Variants in TSHZ2 observed in about 807,000 individuals in gnomAD.
TSHZ2 encodes teashirt homolog 2.
TSHZ2 carries 21 observed loss-of-function variants against 74.4 expected under a neutral mutation model. The ratio of observed to expected loss-of-function variants is 0.28; its 90% confidence interval spans 0.20 to 0.41. The LOEUF is 0.41. Among genes scored for constraint, TSHZ2 ranks in the 10% least tolerant of loss-of-function variants. TSHZ2 has a pLI of 1.00. For missense variants in TSHZ2, 1,244 were observed against 1,293.5 expected, an observed-to-expected ratio of 0.96 and a Z score of 0.59; for synonymous variants, 540 against 515.3, an observed-to-expected ratio of 1.05 and a Z score of -0.65.
At chr20:53,373,825 A>T (rs1981564250) in intron 2 of TSHZ2, among the ~76,000 whole-genome samples, 1 of 152,176 alleles carries the variant, frequency 6.6e-6, no homozygotes, top group South Asian at 2.1e-4. Context: ...CCTATGTAGA[A>T]TTCTTCCTAG....
intron 1 of TSHZ2, among the ~76,000 whole-genome samples, chr20:52,995,202 C>T (rs538529413): frequency 6.6e-6 from 1 of 152,284 alleles, no homozygotes; most frequent in Middle Eastern, 3.4e-3. Context: ...ATACAGAGAC[C>T]CAAGGAATGG....
At chr20:53,221,213 T>C (rs949393562) in intron 1 of TSHZ2, among the ~76,000 whole-genome samples, 4 of 131,156 alleles carry the variant, frequency 3.0e-5, no homozygotes, top group Non-Finnish European at 7.4e-5. Context: ...TCTGCCATGA[T>C]TGTGAGGCCC....
chr20:53,075,927 A>T (rs1424668652), intron 1 of TSHZ2, among the ~76,000 whole-genome samples: 1 of 152,132 alleles, frequency 6.6e-6, no homozygotes. Flanking sequence ...TTCAGTCTGG[A>T]GACTGAAACA....
At chr20:53,390,461 T>C (rs1345975917) in intron 2 of TSHZ2, among the ~76,000 whole-genome samples, 1 of 152,260 alleles carries the variant, frequency 6.6e-6, no homozygotes, top group Admixed American at 6.5e-5. Flanking sequence ...TGTCTCCATA[T>C]TTATTGTTAT....
chr20:53,210,451 C>T (rs932183368), intron 1 of TSHZ2, among the ~76,000 whole-genome samples: 2 of 151,980 alleles, frequency 1.3e-5, no homozygotes, highest in Non-Finnish European at 2.9e-5. Context: ...ATGATCTTCC[C>T]CTGGAGTTTG....
chr20:53,081,627 C>T (rs6126748), intron 1 of TSHZ2, among the ~76,000 whole-genome samples: 12,044 of 152,218 alleles, frequency 0.079, 1,132 homozygotes, highest in African/African-American at 0.23. Context: ...CCCACTTCCA[C>T]GGCTCTTTAT....
chr20:53,321,683 CAAAA>C lies in TSHZ2; in HGVS notation c.*8+65126_*8+65129del, dbSNP rs59907513. ...TGGGCAACAGGGCGAGACTCCATCT[CAAAA>C]AAAAAAAAAAAAAGAAAGACATTCC... On this transcript the variant is annotated intron_variant, in intron 2 of 2. Coordinates refer to ENST00000371497, the MANE Select transcript of TSHZ2 (RefSeq NM_173485.6). 2.4e-4 allele frequency among the ~76,000 whole-genome samples: 14 copies of C among 58,302 alleles called. 1 individual carries two copies. In the South Asian group the frequency reaches 0.012, roughly 49 times the overall value. 38.2% of individuals were successfully genotyped at this position (58,302 alleles called of 152,430 possible). A position where few individuals can be genotyped will look rare whatever the true frequency, so the allele number is the denominator to read the frequency against.
intron 1 of TSHZ2, among the ~76,000 whole-genome samples, chr20:53,118,869 G>A (rs2123344719): frequency 6.6e-6 from 1 of 152,298 alleles, no homozygotes; most frequent in Non-Finnish European, 1.5e-5. Context: ...TGTACAGGAA[G>A]CATGATGCTG....
intron 2 of TSHZ2, among the ~76,000 whole-genome samples, chr20:53,453,578 G>A (rs1984905261): frequency 6.6e-6 from 1 of 152,104 alleles, no homozygotes; most frequent in Non-Finnish European, 1.5e-5. Flanking sequence ...AAATGTCCAG[G>A]GTATCTTAAT....
intron 1 of TSHZ2, among the ~76,000 whole-genome samples, chr20:53,235,227 T>G (rs1310282379): frequency 6.6e-6 from 1 of 151,902 alleles, no homozygotes; most frequent in Non-Finnish European, 1.5e-5. Context: ...GAGTACAGTG[T>G]CATGATCTTG....
chr20:53,438,147 T>C (rs1184765316), intron 2 of TSHZ2, among the ~76,000 whole-genome samples: 2 of 150,474 alleles, frequency 1.3e-5, no homozygotes, highest in Non-Finnish European at 3.0e-5. Context: ...TCTCACTCTG[T>C]CACCCAGGCT....
chr20:53,194,058 G>A (rs1988802927), intron 1 of TSHZ2, among the ~76,000 whole-genome samples: 1 of 152,128 alleles, frequency 6.6e-6, no homozygotes, highest in African/African-American at 2.4e-5. Flanking sequence ...CTTTCCTGAT[G>A]GAAAACACAG....
At chr20:53,016,653 G>T (rs1261974955) in intron 1 of TSHZ2, among the ~76,000 whole-genome samples, 1 of 152,148 alleles carries the variant, frequency 6.6e-6, no homozygotes, top group East Asian at 1.9e-4. Context: ...AATCAAATAA[G>T]TAAGTGCAAA....
intron 1 of TSHZ2, among the ~76,000 whole-genome samples, chr20:53,043,257 T>C (rs996809924): frequency 6.6e-6 from 1 of 152,214 alleles, no homozygotes; most frequent in Non-Finnish European, 1.5e-5. Flanking sequence ...TGTTCAGTTA[T>C]ACTTTATATG....
At chr20:53,008,831 G>T (rs892878816) in intron 1 of TSHZ2, among the ~76,000 whole-genome samples, 1 of 152,004 alleles carries the variant, frequency 6.6e-6, no homozygotes, top group African/African-American at 2.4e-5. Context: ...ATCATACCAA[G>T]TCTTATACAT....
intron 1 of TSHZ2, among the ~76,000 whole-genome samples, chr20:52,985,749 T>A (rs1012836882): frequency 6.6e-6 from 1 of 152,096 alleles, no homozygotes; most frequent in African/African-American, 2.4e-5. Context: ...GGAGTTAAAA[T>A]GAGAAAACCC....
chr20:53,359,156 C>T (rs1980960681), intron 2 of TSHZ2, among the ~76,000 whole-genome samples: 1 of 152,116 alleles, frequency 6.6e-6, no homozygotes, highest in South Asian at 2.1e-4. Context: ...TTTCATCATT[C>T]GATCCTACCA....
chr20:53,152,419 C>T (rs570463917), intron 1 of TSHZ2, among the ~76,000 whole-genome samples: 4 of 152,278 alleles, frequency 2.6e-5, no homozygotes, highest in Admixed American at 6.5e-5. Context: ...CTAACCCTGA[C>T]CTTTATCCTG....
chr20:53,027,742 G>A (rs1983498527), intron 1 of TSHZ2, among the ~76,000 whole-genome samples: 1 of 152,050 alleles, frequency 6.6e-6, no homozygotes, highest in Non-Finnish European at 1.5e-5. Context: ...CTGAGTGACA[G>A]AGCAAGACTT....
Sources: allele counts gnomAD v4.1 joint callset (sites outside exome capture counted in the v4.1 genomes callset), GRCh38; gene constraint gnomAD v4.1.1; transcripts MANE v1.5; gene names NCBI Gene and HGNC (gene_info 2026-07-23, HGNC 2026-07-21).